The following GIPC2 variants were observed in gnomAD, a reference collection of about 807,000 sequenced individuals.
GIPC2 encodes the protein GIPC PDZ domain containing family member 2, also known as PDZ domain-containing protein GIPC2.
Under a neutral mutation model 30.6 loss-of-function variants are expected in GIPC2, and 30 were observed. That is an observed-to-expected ratio of 0.98 (90% confidence interval 0.73 to 1.33). The LOEUF (loss-of-function observed/expected upper bound fraction) is 1.33. Ranked by LOEUF, GIPC2 falls within the 40% of genes most tolerant of loss-of-function variation. The pLI is 0.00. For missense variants in GIPC2, 414 were observed against 390.3 expected (o/e 1.06, Z -0.51); for synonymous variants, 167 against 150.0 (o/e 1.11, Z -0.83).
At chr1:78,058,029 A>C (rs1417560017) in intron 1 of GIPC2, among the ~76,000 whole-genome samples, 1 of 152,242 alleles carries the variant, frequency 6.6e-6, no homozygotes, top group Non-Finnish European at 1.5e-5. Flanking sequence ...AAGTATGTTT[A>C]TACTTTTTGC....
chr1:78,134,981 A>G (rs1166595344), intron 5 of GIPC2, among the ~76,000 whole-genome samples: 2 of 152,204 alleles, frequency 1.3e-5, no homozygotes, highest in Admixed American at 1.3e-4. Flanking sequence ...GCAACTTAGT[A>G]GAAAAACTGA....
At chr1:78,091,096 T>A (rs1016372551) in intron 2 of GIPC2, among the ~76,000 whole-genome samples, 2 of 152,234 alleles carry the variant, frequency 1.3e-5, no homozygotes, top group African/African-American at 4.8e-5. Flanking sequence ...TTTTTAATTT[T>A]AAAAATTATG....
chr1:78,063,085 A>G (rs961259436), intron 1 of GIPC2, among the ~76,000 whole-genome samples: 1 of 152,190 alleles, frequency 6.6e-6, no homozygotes, highest in African/African-American at 2.4e-5. Flanking sequence ...TACCGTCTTT[A>G]CTTTCCTGAA....
chr1:78,100,550 A>G (rs812097), intron 3 of GIPC2, among the ~76,000 whole-genome samples: 31,474 of 152,084 alleles, frequency 0.21, 3,845 homozygotes, highest in East Asian at 0.62. Flanking sequence ...AGAAATAGAT[A>G]TGGGCGAGGA....
chr1:78,109,693 A>T (rs1402456182), intron 3 of GIPC2, among the ~76,000 whole-genome samples: 1 of 152,134 alleles, frequency 6.6e-6, no homozygotes, highest in African/African-American at 2.4e-5. Flanking sequence ...ACCCCAAATA[A>T]TTTACCTTGA....
chr1:78,050,977 C>A (rs535664293), intron 1 of GIPC2, among the ~76,000 whole-genome samples: 1 of 152,056 alleles, frequency 6.6e-6, no homozygotes, highest in East Asian at 1.9e-4. Flanking sequence ...ATGAAACTCT[C>A]GAGCTATGGT....
Position 78,135,674 on chromosome 1 carries a change from T to C in GIPC2, c.879T>C (p.Phe293=), listed in dbSNP as rs1557555408. ...AVALDETLGD[F]AFPDEFVFDV... ...CACTTGACGAAACTCTTGGAGACTT[T>C]GCGTTCCCAGACGAATTTGTCTTTG... Residue 293 remains phenylalanine (F), a synonymous_variant, in exon 6 of 6, where the codon TTT becomes TTC. Coordinates refer to ENST00000370759, the MANE Select transcript of GIPC2 (RefSeq NM_017655.6). The C allele has an allele frequency of 6.2e-7, 1 of 1,613,206 alleles. No homozygotes were observed. Among genetic ancestry groups the C allele is most frequent in the Non-Finnish European group, 8.5e-7 (1 of 1,179,332 alleles).
At chr1:78,126,952 A>G (rs559391319) in intron 5 of GIPC2, among the ~76,000 whole-genome samples, 2 of 152,326 alleles carry the variant, frequency 1.3e-5, no homozygotes, top group South Asian at 4.1e-4. Context: ...TACAAGGGTC[A>G]AGAGTGTGAA....
At chr1:78,104,210 C>G (rs1662302441) in intron 3 of GIPC2, among the ~76,000 whole-genome samples, 2 of 151,930 alleles carry the variant, frequency 1.3e-5, no homozygotes, top group Admixed American at 1.3e-4. Flanking sequence ...TGCTCAAAGT[C>G]AGATTCAATT....
intron 3 of GIPC2, among the ~76,000 whole-genome samples, chr1:78,096,909 G>A (rs1662147865): frequency 6.6e-6 from 1 of 152,154 alleles, no homozygotes; most frequent in African/African-American, 2.4e-5. Flanking sequence ...TCAAGCTGCT[G>A]GTCTTTATGC....
intron 1 of GIPC2, among the ~76,000 whole-genome samples, chr1:78,063,704 G>T (rs368135925): frequency 7.4e-4 from 113 of 152,054 alleles, no homozygotes; most frequent in African/African-American, 2.6e-3. Context: ...GGCCAACATG[G>T]TGAAACCCAT....
At chr1:78,055,387 A>G (rs1052223904) in intron 1 of GIPC2, among the ~76,000 whole-genome samples, 1 of 152,202 alleles carries the variant, frequency 6.6e-6, no homozygotes, top group Admixed American at 6.5e-5. Context: ...ATAGGGAGGT[A>G]AGGAAGCTTA....
At chr1:78,104,001 G>T (rs1307845399) in intron 3 of GIPC2, among the ~76,000 whole-genome samples, 1 of 152,136 alleles carries the variant, frequency 6.6e-6, no homozygotes, top group African/African-American at 2.4e-5. Flanking sequence ...GGGTGTGGGT[G>T]TGGGGGTGGC....
intron 2 of GIPC2, chr1:78,091,466 C>T (rs1662036566): frequency 1.6e-6 from 1 of 632,556 alleles, no homozygotes; most frequent in Non-Finnish European, 2.9e-6. Flanking sequence ...GTGGCTGGCT[C>T]TACCTTCCCT....
chr1:78,130,628 T>C (rs609390), intron 5 of GIPC2, among the ~76,000 whole-genome samples: 36,936 of 152,124 alleles, frequency 0.24, 5,237 homozygotes, highest in East Asian at 0.75. Context: ...TAGTTGCATA[T>C]TTTATGATTA....
intron 3 of GIPC2, among the ~76,000 whole-genome samples, chr1:78,116,776 T>C (rs1244443200): frequency 6.6e-6 from 1 of 152,244 alleles, no homozygotes; most frequent in Non-Finnish European, 1.5e-5. Context: ...TTGGGTTGGT[T>C]CCAAGTCTTT....
At chr1:78,071,646 C>T (rs1427095513) in intron 1 of GIPC2, among the ~76,000 whole-genome samples, 3 of 151,206 alleles carry the variant, frequency 2.0e-5, no homozygotes, top group African/African-American at 7.3e-5. Flanking sequence ...CTGAGTTGCC[C>T]AGGCTGTCTC....
At position 78,137,198 on chromosome 1, in the gene GIPC2, A is replaced by T. The variant is rs1351967648; in HGVS notation, c.*1455A>T. Reference sequence around the variant, plus strand: ...TAGCTTATAGAATATGGACTGCCTTATTGCTGTTGCTTATCATTTGAAAAT... The same window carrying T: ...TAGCTTATAGAATATGGACTGCCTTTTTGCTGTTGCTTATCATTTGAAAAT... On this transcript the variant is annotated 3_prime_UTR_variant, in exon 6 of 6. Coordinates refer to ENST00000370759, the MANE Select transcript of GIPC2 (RefSeq NM_017655.6). The T allele has an allele frequency of 3.3e-5, 5 of 152,100 alleles. No homozygotes were observed. In the South Asian group the frequency reaches 1.0e-3, roughly 31 times the overall value. 9.4% of individuals were successfully genotyped at this position (152,100 alleles called of 1,614,324 possible). A position where few individuals can be genotyped will look rare whatever the true frequency, so the allele number is the denominator to read the frequency against.
At chr1:78,069,092 A>G in intron 1 of GIPC2, 1 of 985,308 alleles carries the variant, frequency 1.0e-6, no homozygotes, top group Non-Finnish European at 1.2e-6. Flanking sequence ...GAGAGTAGGG[A>G]ACAGGTTGCT....
Sources: gnomAD v4.1 joint callset for allele counts (sites outside exome capture counted in the v4.1 genomes callset) on GRCh38, gnomAD v4.1.1 for gene constraint, MANE v1.5 for transcripts, NCBI Gene and HGNC (gene_info 2026-07-23, HGNC 2026-07-21) for gene names.